Variants in KCNIP4 observed in about 807,000 individuals in gnomAD.
KCNIP4 encodes the protein Kv channel-interacting protein 4.
A neutral mutation model predicts 34.0 loss-of-function variants in KCNIP4; 12 were observed. The observed-to-expected ratio is 0.35, with a 90% confidence interval of 0.23 to 0.57. KCNIP4 has a LOEUF of 0.57. Among genes scored for constraint, KCNIP4 ranks in the 20% least tolerant of loss-of-function variants. The pLI is 0.83. For missense variants in KCNIP4, 238 were observed against 311.7 expected, an observed-to-expected ratio of 0.76 and a Z score of 1.78; for synonymous variants, 124 against 102.2, an observed-to-expected ratio of 1.21 and a Z score of -1.29.
chr4:21,255,858 G>A (rs577701274), intron 1 of KCNIP4, among the ~76,000 whole-genome samples: 2 of 152,204 alleles, frequency 1.3e-5, no homozygotes, highest in African/African-American at 4.8e-5. Flanking sequence ...CAATAACCCG[G>A]ATGCTTTATT....
intron 1 of KCNIP4, among the ~76,000 whole-genome samples, chr4:21,051,811 G>T (rs6815319): frequency 0.51 from 77,262 of 151,992 alleles, 21,325 homozygotes; most frequent in African/African-American, 0.74. Flanking sequence ...ATATCAATAT[G>T]ATGAGGTTTG....
At chr4:21,116,587 G>T (rs1749698987) in intron 1 of KCNIP4, among the ~76,000 whole-genome samples, 2 of 152,096 alleles carry the variant, frequency 1.3e-5, no homozygotes. Context: ...CTATTGACCT[G>T]TGCATTTTTG....
intron 1 of KCNIP4, among the ~76,000 whole-genome samples, chr4:21,873,602 T>C (rs1253253503): frequency 2.0e-5 from 3 of 152,206 alleles, no homozygotes; most frequent in Non-Finnish European, 4.4e-5. Context: ...ACTGAATTAT[T>C]ACTATTGGAC....
At chr4:21,770,861 A>G (rs1180167377) in intron 1 of KCNIP4, among the ~76,000 whole-genome samples, 22 of 152,138 alleles carry the variant, frequency 1.4e-4, no homozygotes, top group Admixed American at 1.4e-3. Context: ...TCAGATAGGT[A>G]GATTGCAAAA....
chr4:21,152,006 A>T (rs1323701857), intron 1 of KCNIP4, among the ~76,000 whole-genome samples: 2 of 152,148 alleles, frequency 1.3e-5, no homozygotes, highest in Admixed American at 1.3e-4. Context: ...TAATCCTAGC[A>T]GTTTTGGAGG....
intron 2 of KCNIP4, among the ~76,000 whole-genome samples, chr4:20,866,229 C>T (rs1722863689): frequency 6.6e-6 from 1 of 151,940 alleles, no homozygotes; most frequent in African/African-American, 2.4e-5. Flanking sequence ...GACAAATATC[C>T]CTCATGAATA....
chr4:20,890,387 G>T (rs1725801199), intron 1 of KCNIP4, among the ~76,000 whole-genome samples: 1 of 152,018 alleles, frequency 6.6e-6, no homozygotes, highest in Non-Finnish European at 1.5e-5. Context: ...AAATATGGTG[G>T]CCAGGGAAGG....
chr4:21,699,464 T>C (rs768773956), intron 1 of KCNIP4, among the ~76,000 whole-genome samples: 1 of 152,064 alleles, frequency 6.6e-6, no homozygotes, highest in Non-Finnish European at 1.5e-5. Context: ...GGAGAGAACA[T>C]TAAAACCAGC....
chr4:21,512,924 A>C (rs1044099505), intron 1 of KCNIP4, among the ~76,000 whole-genome samples: 10 of 152,230 alleles, frequency 6.6e-5, no homozygotes, highest in African/African-American at 2.4e-4. Flanking sequence ...AGTTCTGTTA[A>C]ATAAAAATAG....
chr4:21,725,830 T>C (rs181726613), intron 1 of KCNIP4, among the ~76,000 whole-genome samples: 214 of 152,260 alleles, frequency 1.4e-3, no homozygotes, highest in African/African-American at 4.9e-3. Context: ...AGCAGGTATA[T>C]AATAAATGTT....
intron 1 of KCNIP4, among the ~76,000 whole-genome samples, chr4:21,552,066 CA>C (rs71191519): frequency 2.7e-3 from 135 of 50,840 alleles, no homozygotes; most frequent in Non-Finnish European, 4.3e-3. Context: ...AAAACAACAA[CA>C]AAAAAAAACC....
chr4:21,230,464 G>A (rs186835560), intron 1 of KCNIP4, among the ~76,000 whole-genome samples: 32 of 152,194 alleles, frequency 2.1e-4, no homozygotes, highest in South Asian at 2.1e-4. Context: ...GTTAAGTCCC[G>A]CGTGCATTAG....
At chr4:21,908,782 T>C (rs1728140591) in intron 1 of KCNIP4, among the ~76,000 whole-genome samples, 1 of 152,182 alleles carries the variant, frequency 6.6e-6, no homozygotes, top group African/African-American at 2.4e-5. Context: ...TCTTCCGCAA[T>C]CATAAAGTAG....
intron 1 of KCNIP4, among the ~76,000 whole-genome samples, chr4:21,817,839 C>A (rs1380581462): frequency 1.3e-5 from 2 of 152,168 alleles, no homozygotes; most frequent in Non-Finnish European, 2.9e-5. Flanking sequence ...TTTATCAAGA[C>A]AATATGTGCA....
intron 1 of KCNIP4, among the ~76,000 whole-genome samples, chr4:21,626,697 T>C (rs1238407308): frequency 6.6e-6 from 1 of 152,042 alleles, no homozygotes; most frequent in Non-Finnish European, 1.5e-5. Context: ...AGACAACCCT[T>C]CTTTGCCTAA....
rs71191533 is a variant in KCNIP4, at chr4:21,683,446, A to ATTTTTTTTTTTTTTTTTT, written c.61+265107_61+265124dup. ...TACGACTAATGATTGGTGAAGCCAG[A>ATTTTTTTTTTTTTTTTTT]TTTTTTTTTTTTTTTTTTTTTTTTT... On this transcript the variant is annotated intron_variant, in intron 1 of 8. Transcript: ENST00000382152. 5.8e-4 allele frequency among the ~76,000 whole-genome samples: 27 copies of ATTTTTTTTTTTTTTTTTT among 46,614 alleles called. 6 individuals are homozygous for ATTTTTTTTTTTTTTTTTT. The highest frequency in any genetic ancestry group is 9.2e-4 in the Non-Finnish European group (22 of 24,002). 30.6% of individuals were successfully genotyped at this position (46,614 alleles called of 152,430 possible). A position where few individuals can be genotyped will look rare whatever the true frequency, so the allele number is the denominator to read the frequency against.
chr4:21,860,402 G>A (rs539262853), intron 1 of KCNIP4, among the ~76,000 whole-genome samples: 2 of 152,254 alleles, frequency 1.3e-5, no homozygotes, highest in Admixed American at 1.3e-4. Context: ...CCAAAGTGCT[G>A]GGATTACAGA....
chr4:20,729,943 T>A lies in KCNIP4; in HGVS notation c.*139A>T, dbSNP rs1578395152. 1 of 1,006,022 alleles carries A rather than the reference T, an allele frequency of 9.9e-7. No homozygotes were observed. Among genetic ancestry groups the A allele is most frequent in the East Asian group, 2.9e-5 (1 of 34,358 alleles). The allele number at this position is 1,006,022 out of a possible 1,614,324, so 62.3% of individuals were successfully genotyped here. On this transcript the variant is annotated 3_prime_UTR_variant, in exon 9 of 9. Coordinates refer to ENST00000382152, the MANE Select transcript of KCNIP4 (RefSeq NM_025221.6). ...AAAGCTCAAATCTTTTGGGGATTGCTTTATATTAAAACAAAGCTTGTTTGC... is the reference window on the plus strand; with the variant it reads ...AAAGCTCAAATCTTTTGGGGATTGCATTATATTAAAACAAAGCTTGTTTGC...
intron 1 of KCNIP4, among the ~76,000 whole-genome samples, chr4:21,120,576 C>T (rs1750072887): frequency 1.3e-5 from 2 of 152,164 alleles, no homozygotes; most frequent in South Asian, 2.1e-4. Flanking sequence ...GCACATCTTA[C>T]GTGGTGACAG....
Sources: gnomAD v4.1 joint callset for allele counts (sites outside exome capture counted in the v4.1 genomes callset) on GRCh38, gnomAD v4.1.1 for gene constraint, MANE v1.5 for transcripts, NCBI Gene and HGNC (gene_info 2026-07-23, HGNC 2026-07-21) for gene names.